Variants in KCNIP4 observed in about 807,000 individuals in gnomAD.
The protein encoded by KCNIP4 is Kv channel-interacting protein 4.
Under a neutral mutation model 34.0 loss-of-function variants are expected in KCNIP4, and 12 were observed. That is an observed-to-expected ratio of 0.35 (90% CI 0.23 to 0.57). The LOEUF is 0.57. Among genes scored for constraint, KCNIP4 ranks in the 20% least tolerant of loss-of-function variants. The pLI is 0.83. For missense variants in KCNIP4, 238 were observed against 311.7 expected (o/e 0.76, Z 1.78); for synonymous variants, 124 against 102.2 (o/e 1.21, Z -1.29).
intron 3 of KCNIP4, among the ~76,000 whole-genome samples, chr4:20,845,205 C>T (rs1162463655): frequency 2.0e-5 from 3 of 152,156 alleles, no homozygotes; most frequent in African/African-American, 7.2e-5. Context: ...CACATGTACA[C>T]ATCCAGAAGT....
intron 1 of KCNIP4, among the ~76,000 whole-genome samples, chr4:21,729,546 G>A (rs750299412): frequency 6.6e-6 from 1 of 151,490 alleles, no homozygotes; most frequent in Non-Finnish European, 1.5e-5. Flanking sequence ...TGTGTTCTAT[G>A]GAGCCTCAAG....
chr4:21,565,170 T>C (rs1335429154), intron 1 of KCNIP4, among the ~76,000 whole-genome samples: 1 of 152,170 alleles, frequency 6.6e-6, no homozygotes, highest in East Asian at 1.9e-4. Context: ...GACATTGGTT[T>C]CTCACAGTTT....
intron 4 of KCNIP4, among the ~76,000 whole-genome samples, chr4:20,749,952 T>C (rs1232218186): frequency 7.2e-5 from 11 of 152,186 alleles, no homozygotes. Context: ...AAACATTCTC[T>C]ATGAGTTTCT....
chr4:21,619,556 A>C (rs1284220217), intron 1 of KCNIP4, among the ~76,000 whole-genome samples: 3 of 152,232 alleles, frequency 2.0e-5, no homozygotes, highest in African/African-American at 7.2e-5. Context: ...AATCCTTAGA[A>C]CCTTTGGAGA....
chr4:21,214,144 TAGTA>T lies in KCNIP4; in HGVS notation c.62-331439_62-331436del, dbSNP rs1383642334. ...GCCATTTAGCACTGTGTCTGGTCAG[TAGTA>T]AGTATTTATTTGATGTTAATATACC... is the stretch of plus-strand genomic sequence containing the variant. On this transcript the variant is annotated intron_variant, in intron 1 of 8. Coordinates refer to ENST00000382152, the MANE Select transcript of KCNIP4 (RefSeq NM_025221.6). Among the ~76,000 whole-genome samples, 5 of 152,316 alleles carry T rather than the reference TAGTA, an allele frequency of 3.3e-5. No homozygotes were observed. In the South Asian group the frequency reaches 6.2e-4, roughly 19 times the overall value.
rs115318736 is a variant in KCNIP4 at position 21,586,270 on chromosome 4, G to C, written c.61+362301C>G. On this transcript the variant is annotated intron_variant, in intron 1 of 8. Coordinates refer to ENST00000382152, the MANE Select transcript of KCNIP4 (RefSeq NM_025221.6). ...GTGTGTATTCATTTTTAAATTATAT[G>C]TTCCATAAGAAGAGGGATCGTAGAT... is the stretch of plus-strand genomic sequence containing the variant. Among the ~76,000 whole-genome samples, 975 of 152,098 alleles carry C rather than the reference G, an allele frequency of 6.4e-3. 17 individuals are homozygous for C. Among genetic ancestry groups the C allele is most frequent in the African/African-American group, 0.022 (908 of 41,500 alleles).
chr4:21,633,795 T>A (rs1267921781), intron 1 of KCNIP4, among the ~76,000 whole-genome samples: 1 of 152,152 alleles, frequency 6.6e-6, no homozygotes, highest in African/African-American at 2.4e-5. Flanking sequence ...CATTTTAAGA[T>A]ATAAAGTTAG....
intron 1 of KCNIP4, among the ~76,000 whole-genome samples, chr4:20,937,648 T>C (rs1188021561): frequency 2.6e-5 from 4 of 152,136 alleles, no homozygotes; most frequent in Non-Finnish European, 4.4e-5. Flanking sequence ...CTGTTTCTCA[T>C]CACATAAGAA....
At chr4:21,839,911 A>G (rs1723576638) in intron 1 of KCNIP4, among the ~76,000 whole-genome samples, 1 of 151,960 alleles carries the variant, frequency 6.6e-6, no homozygotes, top group South Asian at 2.1e-4. Flanking sequence ...GATGCCTTGG[A>G]TCTCCGTCTC....
At chr4:21,651,555 C>A (rs1747479999) in intron 1 of KCNIP4, among the ~76,000 whole-genome samples, 2 of 152,256 alleles carry the variant, frequency 1.3e-5, no homozygotes, top group South Asian at 4.1e-4. Flanking sequence ...ATTGGGTGAC[C>A]AAGCTGATGT....
rs1733068172 is a variant in KCNIP4, at chr4:21,498,878, AAAAC to A, written c.61+449689_61+449692del. 3.9e-5 allele frequency among the ~76,000 whole-genome samples: 6 copies of A among 152,316 alleles called. No homozygotes were observed. The South Asian group carries it at 1.0e-3, about 26-fold the overall frequency. On this transcript the variant is annotated intron_variant, in intron 1 of 8. Coordinates refer to ENST00000382152, the MANE Select transcript of KCNIP4 (RefSeq NM_025221.6). ...TGAAGCACAAGACATATGAAAAGAA[AAAAC>A]AAACAAACAAAAAAACCCACTAACT...
At chr4:21,933,607 G>C (rs1578158919) in intron 1 of KCNIP4, among the ~76,000 whole-genome samples, 1 of 152,134 alleles carries the variant, frequency 6.6e-6, no homozygotes, top group Admixed American at 6.6e-5. Context: ...AGCCATCTGT[G>C]AGGACAGGGA....
At chr4:21,382,387 T>G (rs1302130749) in intron 1 of KCNIP4, among the ~76,000 whole-genome samples, 2 of 152,160 alleles carry the variant, frequency 1.3e-5, no homozygotes, top group Admixed American at 1.3e-4. Context: ...ATATTAAAAT[T>G]GAGGATAGTC....
intron 1 of KCNIP4, among the ~76,000 whole-genome samples, chr4:21,944,556 CAAAAAAA>C (rs5856680): frequency 4.3e-4 from 45 of 104,422 alleles, no homozygotes; most frequent in East Asian, 1.1e-3. Context: ...GACTCCGTCT[CAAAAAAA>C]AAAAAAAAAA....
intron 5 of KCNIP4, among the ~76,000 whole-genome samples, chr4:20,747,771 GTA>G (rs1287981825): frequency 6.6e-6 from 1 of 152,166 alleles, no homozygotes; most frequent in Non-Finnish European, 1.5e-5. Flanking sequence ...TGAGCATGGA[GTA>G]TGTGTGAGGA....
intron 4 of KCNIP4, among the ~76,000 whole-genome samples, chr4:20,754,847 A>T (rs931769950): frequency 2.0e-5 from 3 of 152,210 alleles, no homozygotes; most frequent in Admixed American, 6.5e-5. Context: ...TTAGTATGTA[A>T]TAACTTGATT....
intron 1 of KCNIP4, among the ~76,000 whole-genome samples, chr4:21,912,585 G>T (rs2108984540): frequency 6.6e-6 from 1 of 152,206 alleles, no homozygotes; most frequent in South Asian, 2.1e-4. Context: ...CAACAGTGAG[G>T]CGTCTATGAA....
intron 1 of KCNIP4, among the ~76,000 whole-genome samples, chr4:21,482,094 T>C (rs1205882607): frequency 1.3e-5 from 2 of 151,956 alleles, no homozygotes; most frequent in Non-Finnish European, 2.9e-5. Context: ...TGATCTTTGT[T>C]GGTTTAAAGT....
intron 1 of KCNIP4, among the ~76,000 whole-genome samples, chr4:20,914,607 A>G (rs568414293): frequency 6.6e-6 from 1 of 152,298 alleles, no homozygotes; most frequent in South Asian, 2.1e-4. Flanking sequence ...ATTATTTGGT[A>G]TGTCTCTCCA....
Sources: allele counts gnomAD v4.1 joint callset (sites outside exome capture counted in the v4.1 genomes callset), GRCh38; gene constraint gnomAD v4.1.1; transcripts MANE v1.5; gene names NCBI Gene and HGNC (gene_info 2026-07-23, HGNC 2026-07-21).